Variants in CDK13 observed in about 807,000 individuals in gnomAD.
CDK13 encodes cyclin dependent kinase 13.
In CDK13, 40 loss-of-function variants were observed where a neutral mutation model predicts 137.6. The observed-to-expected ratio is 0.29, with a 90% CI of 0.23 to 0.38. CDK13 has a LOEUF of 0.38. Ranked by LOEUF, CDK13 falls within the 10% of genes least tolerant of loss-of-function variation. CDK13 has a pLI of 1.00. For synonymous variants in CDK13, 869 were observed against 760.1 expected (o/e 1.14, Z -2.36); for missense variants, 1,704 against 1,951.8 (o/e 0.87, Z 2.39).
intron 1 of CDK13, among the ~76,000 whole-genome samples, chr7:39,960,633 G>C (rs117006135): frequency 0.087 from 13,162 of 151,740 alleles, 1,012 homozygotes; most frequent in East Asian, 0.36. Context: ...GTGCAGTGGC[G>C]TGATCTCGGC....
chr7:40,015,474 G>A (rs1784984891), intron 5 of CDK13, among the ~76,000 whole-genome samples: 1 of 152,230 alleles, frequency 6.6e-6, no homozygotes, highest in African/African-American at 2.4e-5. Flanking sequence ...TCTGCAAAAT[G>A]GGGTAATAAT....
chr7:40,039,710 G>T (rs1785564314), intron 5 of CDK13, among the ~76,000 whole-genome samples: 2 of 152,080 alleles, frequency 1.3e-5, no homozygotes, highest in Non-Finnish European at 2.9e-5. Context: ...GGGATTACAG[G>T]CGTGAGCCAC....
chr7:40,021,871 A>T (rs562954639), intron 5 of CDK13, among the ~76,000 whole-genome samples: 2 of 152,310 alleles, frequency 1.3e-5, no homozygotes, highest in South Asian at 4.1e-4. Flanking sequence ...TGTTGGTTTG[A>T]TTTTAACAGG....
chr7:40,041,722 TC>T (rs1168896585), intron 5 of CDK13, among the ~76,000 whole-genome samples: 2 of 152,184 alleles, frequency 1.3e-5, no homozygotes, highest in African/African-American at 2.4e-5. Flanking sequence ...ATAACTGACT[TC>T]CTTTTACTCA....
At chr7:40,007,886 A>G (rs1284145325) in intron 5 of CDK13, among the ~76,000 whole-genome samples, 3 of 152,238 alleles carry the variant, frequency 2.0e-5, no homozygotes, top group African/African-American at 7.2e-5. Flanking sequence ...ATGGAGAGGT[A>G]GGAATGTTCT....
At chr7:40,059,590 C>G (rs1786096128) in intron 7 of CDK13, among the ~76,000 whole-genome samples, 1 of 152,156 alleles carries the variant, frequency 6.6e-6, no homozygotes, top group Admixed American at 6.5e-5. Context: ...AATGCCTGAC[C>G]TCGTGATCCA....
In CDK13 at chr7:39,950,409, G is replaced by C. The variant is rs993660574; in HGVS notation, c.-233G>C. ...GATAGGACGACGAGCGCAATCGGGA[G>C]CTCCGCCGCCCGGATTCCTGCTTCC... On this transcript the variant is annotated 5_prime_UTR_variant, in exon 1 of 14. Coordinates refer to ENST00000181839, the MANE Select transcript of CDK13 (RefSeq NM_003718.5). The C allele has an allele frequency of 1.5e-5, 19 of 1,231,728 alleles. No homozygotes were observed. The highest frequency in any genetic ancestry group is 3.1e-4 in the Middle Eastern group (1 of 3,206). 76.3% of individuals were successfully genotyped at this position (1,231,728 alleles called of 1,614,324 possible). A position where few individuals can be genotyped will look rare whatever the true frequency, so the allele number is the denominator to read the frequency against.
chr7:39,983,323 A>G (rs976423243), intron 1 of CDK13, among the ~76,000 whole-genome samples: 2 of 152,090 alleles, frequency 1.3e-5, no homozygotes, highest in African/African-American at 2.4e-5. Flanking sequence ...GGGTTTCACC[A>G]TGTTAGCCAG....
intron 11 of CDK13, among the ~76,000 whole-genome samples, chr7:40,082,486 CAAAAAAA>C (rs70996879): frequency 4.0e-5 from 3 of 74,790 alleles, no homozygotes; most frequent in Non-Finnish European, 8.9e-5. Flanking sequence ...ACTCCATTTC[CAAAAAAA>C]AAAAAAAAAA....
intron 9 of CDK13, chr7:40,069,165 G>A: frequency 2.7e-6 from 1 of 363,928 alleles, no homozygotes. Flanking sequence ...CCCAAGGGAG[G>A]TCGAGGCTAC....
chr7:40,065,098 A>G (rs989329113), intron 9 of CDK13, among the ~76,000 whole-genome samples: 3 of 150,668 alleles, frequency 2.0e-5, no homozygotes, highest in African/African-American at 7.3e-5. Flanking sequence ...TAATTGTGCA[A>G]TAGACAAGTA....
chr7:39,953,356 G>GT (rs1457667977), intron 1 of CDK13, among the ~76,000 whole-genome samples: 1 of 152,186 alleles, frequency 6.6e-6, no homozygotes, highest in Non-Finnish European at 1.5e-5. Flanking sequence ...AGGGTTTGCA[G>GT]TTTTTGCAGT....
At position 40,078,673 on chromosome 7, in the gene CDK13, C is replaced by G. The variant is rs548164129; in HGVS notation, c.2898-47C>G. The stretch of plus-strand genomic sequence containing the variant: ...ATTTAAGCTCCTAAAGAAACATAAG[C>G]TTGTGTCTAAAGAACACATCTAACT... On this transcript the variant is annotated intron_variant, in intron 10 of 13. Transcript: ENST00000181839. The G allele has an allele frequency of 9.3e-5, 116 of 1,251,992 alleles. 4 individuals are homozygous for G. In the South Asian group the frequency reaches 1.8e-3, roughly 19 times the overall value. The allele number at this position is 1,251,992 out of a possible 1,614,324, so 77.6% of individuals were successfully genotyped here.
intron 7 of CDK13, among the ~76,000 whole-genome samples, chr7:40,057,914 G>A (rs1304257773): frequency 3.3e-5 from 5 of 152,128 alleles, no homozygotes; most frequent in Non-Finnish European, 5.9e-5. Flanking sequence ...TGTGTTTATT[G>A]TTATGTAGTT....
chr7:39,997,567 T>G lies in CDK13; in HGVS notation c.1945T>G (p.Leu649Val). Residue 649 changes from leucine to valine, a missense_variant, in exon 3 of 14, where the codon TTA becomes GTA. Transcript: ENST00000181839. ...EKKLRCLLADLPLPPELPGGD... is the reference protein window; with the variant it reads ...EKKLRCLLADVPLPPELPGGD... ...GAAACTCCGATGTCTTCTTGCTGAT[T>G]TACCGCTGCCCCCTGAGCTACCAGG... 1 of 1,605,744 alleles carries G rather than the reference T, an allele frequency of 6.2e-7. No individual in the cohort carries two copies. Among genetic ancestry groups the G allele is most frequent in the South Asian group, 1.1e-5 (1 of 88,504 alleles).
At chr7:39,965,809 C>T (rs1783858429) in intron 1 of CDK13, among the ~76,000 whole-genome samples, 1 of 152,084 alleles carries the variant, frequency 6.6e-6, no homozygotes, top group Non-Finnish European at 1.5e-5. Flanking sequence ...GTAGGGCAGG[C>T]CTGGTGGTGA....
rs780272203 is a variant in CDK13, at chr7:40,001,913, T to C, written c.2235T>C (p.Phe745=). The change falls in exon 5 of 14, where the codon TTT becomes TTC. Residue 745 remains phenylalanine, a synonymous_variant. Transcript: ENST00000181839. ...KVRLDNEKEG[F]PITAIREIKI... ...GTCTGGATAATGAAAAGGAAGGCTTTCCAATTACAGCAATTCGAGAAATTA... is the reference window on the plus strand; with the variant it reads ...GTCTGGATAATGAAAAGGAAGGCTTCCCAATTACAGCAATTCGAGAAATTA... 2.5e-6 allele frequency: 4 copies of C among 1,611,394 alleles called. No individual in the cohort carries two copies. Among genetic ancestry groups the C allele is most frequent in the Non-Finnish European group, 2.5e-6 (3 of 1,177,826 alleles).
chr7:40,050,060 G>A (rs965327025), intron 7 of CDK13, among the ~76,000 whole-genome samples: 3 of 150,668 alleles, frequency 2.0e-5, no homozygotes, highest in South Asian at 2.1e-4. Context: ...GCTCACTACA[G>A]CCTCCACCTC....
intron 5 of CDK13, among the ~76,000 whole-genome samples, 164 bp from the exon 6 acceptor site, chr7:40,045,672 A>G (rs1201544249): frequency 6.6e-6 from 1 of 151,768 alleles, no homozygotes; most frequent in Admixed American, 6.6e-5. Context: ...ATTTATTAAT[A>G]TTATTAAGTC....
Sources: allele counts gnomAD v4.1 joint callset (sites outside exome capture counted in the v4.1 genomes callset), GRCh38; gene constraint gnomAD v4.1.1; transcripts MANE v1.5; gene names NCBI Gene and HGNC (gene_info 2026-07-23, HGNC 2026-07-21).